Variants in DNAH12 observed in about 807,000 individuals in gnomAD.
The protein encoded by DNAH12 is axonemal beta dynein heavy chain 12.
In DNAH12, 285 loss-of-function variants were observed where a neutral mutation model predicts 371.5. The observed-to-expected ratio is 0.77, with a 90% CI of 0.70 to 0.85. The LOEUF is 0.85. Ranked by LOEUF, DNAH12 falls within the 40% of genes least tolerant of loss-of-function variation. The pLI is 0.00. For synonymous variants in DNAH12, 1,200 were observed against 1,213.0 expected (o/e 0.99, Z 0.22); for missense variants, 3,611 against 3,689.4 (o/e 0.98, Z 0.55).
chr3:57,537,688 G>GTT (rs372481977), intron 2 of DNAH12, among the ~76,000 whole-genome samples: 9,390 of 140,508 alleles, frequency 0.067, 1,148 homozygotes, highest in African/African-American at 0.23. Flanking sequence ...GTTTCTAAAA[G>GTT]TTTTTTTTTT....
intron 39 of DNAH12, among the ~76,000 whole-genome samples, chr3:57,409,984 T>C (rs1212798424): frequency 6.6e-6 from 1 of 152,094 alleles, no homozygotes; most frequent in Non-Finnish European, 1.5e-5. Context: ...GTTAAAAACA[T>C]GGTAGAAAAA....
intron 13 of DNAH12, among the ~76,000 whole-genome samples, chr3:57,479,337 A>G (rs1218698967): frequency 6.6e-6 from 1 of 152,172 alleles, no homozygotes; most frequent in Non-Finnish European, 1.5e-5. Context: ...CCATTACATA[A>G]TGGTAAAGGG....
At chr3:57,449,934 T>C (rs1429025555) in intron 25 of DNAH12, among the ~76,000 whole-genome samples, 1 of 152,172 alleles carries the variant, frequency 6.6e-6, no homozygotes, top group Non-Finnish European at 1.5e-5. Flanking sequence ...TCTCAGTGTC[T>C]AGTGTTATAT....
At chr3:57,500,972 G>A (rs767158269) in intron 11 of DNAH12, among the ~76,000 whole-genome samples, 3 of 152,082 alleles carry the variant, frequency 2.0e-5, no homozygotes, top group Non-Finnish European at 2.9e-5. Flanking sequence ...GTAGAGACAC[G>A]GTCTCACTAT....
chr3:57,529,160 T>C lies in DNAH12; in HGVS notation c.171-5276A>G, dbSNP rs560233228. 5.3e-5 allele frequency among the ~76,000 whole-genome samples: 8 copies of C among 152,338 alleles called. No homozygotes were observed. The South Asian group carries it at 8.3e-4, about 16-fold the overall frequency. On this transcript the variant is annotated intron_variant, in intron 2 of 73. Transcript: ENST00000495027. The stretch of plus-strand genomic sequence containing the variant: ...TTTGCTAGTATTTTGTTGAGGATTT[T>C]TGTATCAATATTCATCTGTGATACT...
In DNAH12 at chr3:57,491,081, C is replaced by CAAAAAAAAA. The variant is rs553885449; in HGVS notation, c.1336-1403_1336-1395dup. Reference sequence around the variant, plus strand: ...TGGAAGACAGAGCGAGACTCTATCTCAAAAAAAAAAAAAAAAAAAACAACA... The same window carrying CAAAAAAAAA: ...TGGAAGACAGAGCGAGACTCTATCTCAAAAAAAAAAAAAAAAAAAAAAAAAAAAACAACA... On this transcript the variant is annotated intron_variant, in intron 11 of 73. Transcript: ENST00000495027. Among the ~76,000 whole-genome samples the CAAAAAAAAA allele has an allele frequency of 1.2e-3, 81 of 70,344 alleles. 1 individual carries two copies. Among genetic ancestry groups the CAAAAAAAAA allele is most frequent in the South Asian group, 1.8e-3 (3 of 1,622 alleles). 46.1% of individuals were successfully genotyped at this position (70,344 alleles called of 152,430 possible). A position where few individuals can be genotyped will look rare whatever the true frequency, so the allele number is the denominator to read the frequency against.
intron 23 of DNAH12, among the ~76,000 whole-genome samples, chr3:57,454,221 C>T (rs767890804): frequency 1.6e-4 from 24 of 152,154 alleles, no homozygotes; most frequent in Admixed American, 3.3e-4. Flanking sequence ...CGGTTCATGC[C>T]TCTAATCCCA....
intron 65 of DNAH12, among the ~76,000 whole-genome samples, chr3:57,318,943 C>G (rs143066416): frequency 1.9e-3 from 296 of 152,140 alleles, no homozygotes; most frequent in African/African-American, 6.8e-3. Context: ...TAAATTAAAT[C>G]TGTAGATCAC....
chr3:57,361,565 T>C (rs891902754), intron 58 of DNAH12, among the ~76,000 whole-genome samples: 2 of 151,032 alleles, frequency 1.3e-5, no homozygotes, highest in African/African-American at 2.4e-5. Context: ...TCAACTCTTA[T>C]ACCTGTCTTC....
intron 52 of DNAH12, among the ~76,000 whole-genome samples, chr3:57,377,865 C>T (rs895344846): frequency 5.9e-5 from 9 of 152,224 alleles, no homozygotes; most frequent in Non-Finnish European, 1.3e-4. Context: ...CAAGCATCCT[C>T]CAAGCCCTTG....
intron 65 of DNAH12, among the ~76,000 whole-genome samples, chr3:57,319,176 G>A (rs974086422): frequency 6.6e-6 from 1 of 152,008 alleles, no homozygotes; most frequent in Non-Finnish European, 1.5e-5. Context: ...ATAGTTTGTT[G>A]TTGGTGTACA....
chr3:57,513,262 T>C (rs141665633), intron 4 of DNAH12, among the ~76,000 whole-genome samples: 16 of 151,876 alleles, frequency 1.1e-4, no homozygotes, highest in African/African-American at 3.9e-4. Flanking sequence ...CAAACTAACA[T>C]AGAAATGGAA....
At chr3:57,542,095 A>C (rs2069309882) in intron 2 of DNAH12, among the ~76,000 whole-genome samples, 1 of 138,476 alleles carries the variant, frequency 7.2e-6, no homozygotes, top group Non-Finnish European at 1.5e-5. Flanking sequence ...ATTGAACTGA[A>C]CCAACCTCAT....
At position 57,486,785 on chromosome 3, in the gene DNAH12, A is replaced by T. The variant is rs554226911; in HGVS notation, c.1514+2724T>A. On this transcript the variant is annotated intron_variant, in intron 12 of 73. Coordinates refer to ENST00000495027, the MANE Select transcript of DNAH12 (RefSeq NM_001366028.2). ...AAGTGAGCTATAATTGTGCTACTGC[A>T]CTTCGGTCCGGGCAACATAGTAGGA... Among the ~76,000 whole-genome samples, 3 of 152,248 alleles carry T rather than the reference A, an allele frequency of 2.0e-5. No homozygotes were observed. The South Asian group carries it at 6.2e-4, about 32-fold the overall frequency.
chr3:57,447,750 G>A (rs556124554), intron 25 of DNAH12, among the ~76,000 whole-genome samples: 1 of 152,098 alleles, frequency 6.6e-6, no homozygotes, highest in South Asian at 2.1e-4. Flanking sequence ...TCTTGACTAG[G>A]TGCCCCTCTG....
chr3:57,420,071 G>A (rs1360695207), intron 36 of DNAH12, among the ~76,000 whole-genome samples: 1 of 152,164 alleles, frequency 6.6e-6, no homozygotes, highest in East Asian at 1.9e-4. Flanking sequence ...GATCCAGGCT[G>A]AAACAACCAG....
upstream of DNAH12, among the ~76,000 whole-genome samples, chr3:57,548,283 G>A (rs115836674): frequency 7.9e-5 from 12 of 152,164 alleles, no homozygotes; most frequent in African/African-American, 2.7e-4. Flanking sequence ...AGCCTAATAC[G>A]TCTCTCTTAG....
At chr3:57,339,807 C>A (rs2062348841) in intron 60 of DNAH12, among the ~76,000 whole-genome samples, 1 of 152,228 alleles carries the variant, frequency 6.6e-6, no homozygotes, top group East Asian at 1.9e-4. Flanking sequence ...AAATACCTCA[C>A]CCCTGTAATC....
rs375930927 is a variant in DNAH12 at position 57,501,470 on chromosome 3, CT to C, written c.1244-59del. On this transcript the variant is annotated intron_variant, in intron 10 of 73. Transcript: ENST00000495027. ...AATACCCTTTTTAGAAGATAAAACA[CT>C]TTTTTTATATGATCATGGAATGGGG... The C allele has an allele frequency of 4.2e-4, 536 of 1,285,412 alleles. 1 individual carries two copies. In the African/African-American group the frequency reaches 7.0e-3, roughly 17 times the overall value. 79.6% of individuals were successfully genotyped at this position (1,285,412 alleles called of 1,614,324 possible).
Sources: gnomAD v4.1 joint callset for allele counts (sites outside exome capture counted in the v4.1 genomes callset) on GRCh38, gnomAD v4.1.1 for gene constraint, MANE v1.5 for transcripts, NCBI Gene and HGNC (gene_info 2026-07-23, HGNC 2026-07-21) for gene names.